The following TRMT10B variants were observed in gnomAD, a reference collection of about 807,000 sequenced individuals.
TRMT10B encodes tRNA methyltransferase 10 homolog B.
A neutral mutation model predicts 43.8 loss-of-function variants in TRMT10B; 33 were observed. The ratio of observed to expected loss-of-function variants is 0.75; its 90% CI spans 0.57 to 1.01. The LOEUF (loss-of-function observed/expected upper bound fraction) is 1.01, where lower values mean the gene tolerates loss of function less well. TRMT10B is among the 50% of genes least tolerant of loss of function. TRMT10B has a pLI of 0.00. For missense variants in TRMT10B, 362 were observed against 369.8 expected (o/e 0.98, Z 0.17); for synonymous variants, 137 against 130.6 (o/e 1.05, Z -0.34).
At chr9:37,752,936 T>C (rs1563975487), upstream of TRMT10B, among the ~76,000 whole-genome samples, 1 of 151,900 alleles carries the variant, frequency 6.6e-6, no homozygotes, top group Admixed American at 6.6e-5. Context: ...GGACTGTGGG[T>C]GCTTTGTTCT....
At chr9:37,768,504 T>C (rs927234569) in intron 5 of TRMT10B, among the ~76,000 whole-genome samples, 1 of 152,216 alleles carries the variant, frequency 6.6e-6, no homozygotes, top group Admixed American at 6.5e-5. Context: ...CCATGACTCC[T>C]TTCTTGTTCT....
chr9:37,765,433 A>AT (rs1485603250), intron 4 of TRMT10B, among the ~76,000 whole-genome samples: 1 of 152,160 alleles, frequency 6.6e-6, no homozygotes, highest in Non-Finnish European at 1.5e-5. Context: ...TGAACTCATC[A>AT]TTTTTTATGG....
intron 4 of TRMT10B, among the ~76,000 whole-genome samples, chr9:37,766,053 C>T (rs1270353126): frequency 6.6e-6 from 1 of 151,482 alleles, no homozygotes; most frequent in African/African-American, 2.4e-5. Context: ...ATGGTGGTTT[C>T]TTTTGCTGTG....
At chr9:37,771,150 T>C (rs898304377) in intron 7 of TRMT10B, among the ~76,000 whole-genome samples, 1 of 152,128 alleles carries the variant, frequency 6.6e-6, no homozygotes, top group Non-Finnish European at 1.5e-5. Flanking sequence ...ATTATCCAGA[T>C]TTTTTTTGTT....
At chr9:37,762,319 C>T (rs980910632) in intron 2 of TRMT10B, among the ~76,000 whole-genome samples, 1 of 151,950 alleles carries the variant, frequency 6.6e-6, no homozygotes, top group Non-Finnish European at 1.5e-5. Flanking sequence ...TTTGATATAC[C>T]CCTGAAGGGT....
chr9:37,762,146 C>T, intron 2 of TRMT10B, 29 bp downstream of exon 2: 1 of 1,588,326 alleles, frequency 6.3e-7, no homozygotes, highest in Non-Finnish European at 8.6e-7. Flanking sequence ...TGGCCATAGG[C>T]CTTGAATGAT....
intron 1 of TRMT10B, among the ~76,000 whole-genome samples, chr9:37,761,515 A>G (rs561090327): frequency 6.6e-6 from 1 of 152,286 alleles, no homozygotes; most frequent in South Asian, 2.1e-4. Flanking sequence ...CCTGGCCAAC[A>G]TGGTGAAACC....
intron 7 of TRMT10B, among the ~76,000 whole-genome samples, chr9:37,774,752 G>GGC (rs1464005035): frequency 6.6e-6 from 1 of 152,118 alleles, no homozygotes; most frequent in African/African-American, 2.4e-5. Context: ...TTTCATGTGA[G>GGC]GCAGGTGTCA....
chr9:37,755,374 G>T lies in TRMT10B; in HGVS notation c.-30+1522G>T, dbSNP rs116123037. Among the ~76,000 whole-genome samples, 645 of 150,718 alleles carry T rather than the reference G, an allele frequency of 4.3e-3. 4 individuals are homozygous for T. Among genetic ancestry groups the T allele is most frequent in the African/African-American group, 0.015 (605 of 41,034 alleles). ...GCACACAATGTGGATGCCCTTAGGT[G>T]TGTTTTTAACTGCACATTTACAAAT... On this transcript the variant is annotated intron_variant, in intron 1 of 8. Coordinates refer to ENST00000297994, the MANE Select transcript of TRMT10B (RefSeq NM_144964.4).
chr9:37,764,818 T>C (rs1826808805), intron 4 of TRMT10B, among the ~76,000 whole-genome samples: 1 of 152,150 alleles, frequency 6.6e-6, no homozygotes, highest in African/African-American at 2.4e-5. Context: ...GCATGACACC[T>C]GACACTGGAC....
chr9:37,758,140 A>C (rs1300476559), intron 1 of TRMT10B, among the ~76,000 whole-genome samples: 2 of 152,214 alleles, frequency 1.3e-5, no homozygotes, highest in African/African-American at 4.8e-5. Context: ...CAGCTGGTGC[A>C]GTGGCTCACA....
chr9:37,754,258 C>T lies in TRMT10B; in HGVS notation c.-30+406C>T, dbSNP rs185381831. On this transcript the variant is annotated intron_variant, in intron 1 of 8. Transcript: ENST00000297994. ...TACATTGAAGGGATGGAGGAGGTTC[C>T]GACAACAAGTAAAATAGGTTATGTT... 3.3e-5 allele frequency among the ~76,000 whole-genome samples: 5 copies of T among 152,122 alleles called. No individual in the cohort carries two copies. The East Asian group carries it at 5.8e-4, about 18-fold the overall frequency.
At position 37,768,187 on chromosome 9, in the gene TRMT10B, GA is replaced by G. The variant is rs1340563009; in HGVS notation, c.534del (p.Glu179SerfsTer3). The G allele has an allele frequency of 1.9e-6, 3 of 1,614,162 alleles. No homozygotes were observed. The Admixed American group carries it at 5.0e-5, about 27-fold the overall frequency. ...TGFTTDSPLYEECVRMNDGFS... is the reference protein window; with the variant it reads ...TGFTTDSPLYXECVRMNDGFS... ...ATTCACAACAGACAGTCCCCTTTAT[GA>G]AGAGTGTGTGAGGATGAATGATGGA... On this transcript the variant is annotated frameshift_variant, in exon 5 of 9. Transcript: ENST00000297994. LOFTEE classifies it high-confidence loss of function.
At chr9:37,756,738 A>ATG (rs1159122920) in intron 1 of TRMT10B, among the ~76,000 whole-genome samples, 2 of 151,204 alleles carry the variant, frequency 1.3e-5, no homozygotes, top group African/African-American at 4.9e-5. Flanking sequence ...ATATATATAT[A>ATG]TATACACACA....
chr9:37,769,868 T>C, intron 5 of TRMT10B, 73 bp from the exon 6 acceptor site: 1 of 1,195,478 alleles, frequency 8.4e-7, no homozygotes, highest in South Asian at 1.2e-5. Flanking sequence ...CTCCCAAAGT[T>C]CTGGGATTAC....
At chr9:37,776,080 C>G (rs1828105939) in intron 7 of TRMT10B, among the ~76,000 whole-genome samples, 1 of 152,140 alleles carries the variant, frequency 6.6e-6, no homozygotes, top group Non-Finnish European at 1.5e-5. Flanking sequence ...CCTCTTGGTT[C>G]TAAGTGGCAG....
At chr9:37,772,337 A>C (rs192456734) in intron 7 of TRMT10B, among the ~76,000 whole-genome samples, 1 of 151,712 alleles carries the variant, frequency 6.6e-6, no homozygotes, top group East Asian at 2.0e-4. Flanking sequence ...TTTTTTTTAG[A>C]GACAGGGTCT....
chr9:37,764,399 GCAAGCTCCACCTC>G (rs1826763438), intron 4 of TRMT10B, among the ~76,000 whole-genome samples: 3 of 143,636 alleles, frequency 2.1e-5, no homozygotes, highest in Admixed American at 1.5e-4. Context: ...TTGGCTCACT[GCAAGCTCCACCTC>G]CTGGGTTGAC....
At chr9:37,769,748 A>G in intron 5 of TRMT10B, 193 bp from the exon 6 acceptor site, 1 of 593,690 alleles carries the variant, frequency 1.7e-6, no homozygotes, top group Non-Finnish European at 3.0e-6. Context: ...CTACAGGCAC[A>G]TGCCACCATG....
Sources: gnomAD v4.1 joint callset for allele counts (sites outside exome capture counted in the v4.1 genomes callset) on GRCh38, gnomAD v4.1.1 for gene constraint, MANE v1.5 for transcripts, NCBI Gene and HGNC (gene_info 2026-07-23, HGNC 2026-07-21) for gene names.